The following CIT variants were observed in gnomAD, a reference collection of about 807,000 sequenced individuals.
The protein encoded by CIT is citron rho-interacting serine/threonine kinase, also known as citron Rho-interacting kinase.
Under a neutral mutation model 272.7 loss-of-function variants are expected in CIT, and 79 were observed. The observed-to-expected ratio is 0.29, with a 90% CI of 0.24 to 0.35. The LOEUF is 0.35. Among genes scored for constraint, CIT ranks in the 10% least tolerant of loss-of-function variants. CIT has a pLI of 1.00. For synonymous variants in CIT, 948 were observed against 995.6 expected (o/e 0.95, Z 0.90); for missense variants, 1,909 against 2,618.3 (o/e 0.73, Z 5.91).
chr12:119,688,095 C>A lies in CIT; in HGVS notation c.*137G>T. 1 of 904,294 alleles carries A rather than the reference C, an allele frequency of 1.1e-6. No individual in the cohort carries two copies. The allele number at this position is 904,294 out of a possible 1,614,324, so 56.0% of individuals were successfully genotyped here. On this transcript the variant is annotated 3_prime_UTR_variant, in exon 48 of 48. Coordinates refer to ENST00000392521, the MANE Select transcript of CIT (RefSeq NM_001206999.2). ...CCTCCTGGAGACAGGGGTGTCCGTGCCGAGGTGGGTCTGGGCCCCGCTGAG... is the reference window on the plus strand; with the variant it reads ...CCTCCTGGAGACAGGGGTGTCCGTGACGAGGTGGGTCTGGGCCCCGCTGAG...
At chr12:119,831,585 A>AAG (rs1326975297) in intron 7 of CIT, among the ~76,000 whole-genome samples, 3 of 152,202 alleles carry the variant, frequency 2.0e-5, no homozygotes, top group African/African-American at 7.2e-5. Flanking sequence ...TAAGAAAAAA[A>AAG]AGAGCCGGGC....
intron 3 of CIT, among the ~76,000 whole-genome samples, chr12:119,863,063 A>G (rs1165331190): frequency 1.4e-5 from 2 of 143,830 alleles, no homozygotes; most frequent in African/African-American, 5.1e-5. Context: ...TTAGCCTGGC[A>G]TGGTGGTGCG....
chr12:119,836,284 T>TAAAAAAAAAAAAAAAAAAAAA (rs201559880), intron 5 of CIT, among the ~76,000 whole-genome samples: 1 of 42,260 alleles, frequency 2.4e-5, no homozygotes, highest in African/African-American at 1.0e-4. Context: ...AGACTCCATC[T>TAAAAAAAAAAAAAAAAAAAAA]AAAAAAAAAA....
intron 10 of CIT, among the ~76,000 whole-genome samples, chr12:119,799,338 C>T (rs181931826): frequency 7.0e-4 from 106 of 152,274 alleles, no homozygotes; most frequent in Middle Eastern, 3.4e-3. Context: ...CATCCATCCC[C>T]GCAAAAGTCC....
intron 28 of CIT, among the ~76,000 whole-genome samples, chr12:119,726,372 C>A (rs1404032814): frequency 6.8e-6 from 1 of 147,960 alleles, no homozygotes; most frequent in Non-Finnish European, 1.5e-5. Context: ...CTGCACACCA[C>A]CACACTTGGC....
intron 5 of CIT, among the ~76,000 whole-genome samples, chr12:119,844,069 T>A (rs1969613766): frequency 6.7e-6 from 1 of 150,174 alleles, no homozygotes; most frequent in African/African-American, 2.5e-5. Context: ...TCGCCCAGGC[T>A]GGAGTGCAGT....
intron 23 of CIT, among the ~76,000 whole-genome samples, chr12:119,744,005 G>A (rs948948849): frequency 2.6e-5 from 4 of 152,212 alleles, no homozygotes; most frequent in East Asian, 3.9e-4. Context: ...AGAAAGTGAC[G>A]GATTTTACTG....
intron 9 of CIT, among the ~76,000 whole-genome samples, chr12:119,815,662 C>T (rs756199326): frequency 4.6e-5 from 7 of 151,684 alleles, no homozygotes; most frequent in Non-Finnish European, 1.0e-4. Flanking sequence ...GCCGAGATCA[C>T]GCCATTGCAC....
At position 119,761,012 on chromosome 12, in the gene CIT, G is replaced by A. The variant is rs1475197856; in HGVS notation, c.2348C>T (p.Thr783Ile). The change falls in exon 20 of 48, where the codon ACA becomes ATA. Residue 783 changes from threonine (T) to isoleucine (I), a missense_variant. This residue lies in a region of CIT where 530 missense variants were observed against 822.4 expected (regional missense o/e 0.64). Coordinates refer to ENST00000392521, the MANE Select transcript of CIT (RefSeq NM_001206999.2). ...GTGTCTCTGCATCATGTTCTCCAGT[G>A]TCTCCTTGTCAGCCAGGTCTTTCTT... ...QIKKDLADKE[T>I]LENMMQRHEE... The A allele has an allele frequency of 6.2e-7, 1 of 1,614,118 alleles. No individual in the cohort carries two copies. Among genetic ancestry groups the A allele is most frequent in the Non-Finnish European group, 8.5e-7 (1 of 1,179,988 alleles).
chr12:119,861,642 C>T (rs1401341906), intron 3 of CIT, among the ~76,000 whole-genome samples: 2 of 151,958 alleles, frequency 1.3e-5, no homozygotes, highest in East Asian at 3.9e-4. Context: ...ATAACTTTGT[C>T]AGATAATCAT....
At chr12:119,780,730 A>C (rs1964210587) in intron 13 of CIT, among the ~76,000 whole-genome samples, 2 of 152,250 alleles carry the variant, frequency 1.3e-5, no homozygotes. Flanking sequence ...AGTTTGCTGC[A>C]AGCATTAAAA....
intron 21 of CIT, 131 bp from the exon 22 acceptor site, chr12:119,757,676 T>G: frequency 4.3e-6 from 5 of 1,168,472 alleles, no homozygotes; most frequent in Non-Finnish European, 6.0e-6. Context: ...ATTCCTGGGT[T>G]AGCTGTCTCC....
chr12:119,796,817 T>C (rs933051892), intron 10 of CIT, among the ~76,000 whole-genome samples: 1 of 151,224 alleles, frequency 6.6e-6, no homozygotes, highest in African/African-American at 2.4e-5. Context: ...GTCAGAGAGG[T>C]AGGAGGGAAA....
At chr12:119,850,369 T>G in intron 4 of CIT, 94 bp from the exon 5 acceptor site, 1 of 448,178 alleles carries the variant, frequency 2.2e-6, no homozygotes, top group Non-Finnish European at 3.5e-6. Context: ...CTGATGTTTC[T>G]AGCTTTAAAA....
chr12:119,771,432 C>T (rs1963132336), intron 17 of CIT, among the ~76,000 whole-genome samples: 1 of 152,084 alleles, frequency 6.6e-6, no homozygotes, highest in Non-Finnish European at 1.5e-5. Flanking sequence ...AAAGGAGACA[C>T]ACTAGCAGAA....
chr12:119,691,819 C>CTATTA (rs1347628631), intron 46 of CIT, among the ~76,000 whole-genome samples: 10 of 152,162 alleles, frequency 6.6e-5, no homozygotes, highest in Non-Finnish European at 1.0e-4. Context: ...CCTTGATCAG[C>CTATTA]TCTAAAAGTA....
At chr12:119,700,692 C>T in intron 44 of CIT, 53 bp downstream of exon 44, 1 of 1,473,282 alleles carries the variant, frequency 6.8e-7, no homozygotes, top group Non-Finnish European at 9.5e-7. Flanking sequence ...CAATTCTTTT[C>T]CAGGACACCA....
chr12:119,701,336 G>A (rs547741199), intron 43 of CIT, among the ~76,000 whole-genome samples: 11 of 151,762 alleles, frequency 7.2e-5, no homozygotes, highest in Admixed American at 5.9e-4. Context: ...AGGGGAGGAC[G>A]AAATGAGGAC....
At chr12:119,706,229 C>T (rs1484376731) in intron 40 of CIT, among the ~76,000 whole-genome samples, 1 of 152,066 alleles carries the variant, frequency 6.6e-6, no homozygotes, top group Non-Finnish European at 1.5e-5. Context: ...CTGATTCAGA[C>T]TTAATTAAAG....
Sources: allele counts gnomAD v4.1 joint callset (sites outside exome capture counted in the v4.1 genomes callset), GRCh38; gene constraint gnomAD v4.1.1; regional missense constraint gnomAD v4.1.1; transcripts MANE v1.5; gene names NCBI Gene and HGNC (gene_info 2026-07-23, HGNC 2026-07-21).